Variants in MROH2B observed in about 807,000 individuals in gnomAD.
MROH2B encodes maestro heat like repeat family member 2B, also known as maestro heat-like repeat-containing protein family member 2B.
In MROH2B, 177 loss-of-function variants were observed where a neutral mutation model predicts 208.6. The observed-to-expected ratio is 0.85, with a 90% CI of 0.75 to 0.96. The LOEUF is 0.96. Among genes scored for constraint, MROH2B ranks in the 40% least tolerant of loss-of-function variants. MROH2B has a pLI of 0.00. For missense variants in MROH2B, 2,002 were observed against 1,878.7 expected, an observed-to-expected ratio of 1.07 and a Z score of -1.21; for synonymous variants, 728 against 659.0, an observed-to-expected ratio of 1.10 and a Z score of -1.60.
At chr5:41,030,708 A>T (rs115977774) in intron 24 of MROH2B, among the ~76,000 whole-genome samples, 1 of 152,122 alleles carries the variant, frequency 6.6e-6, no homozygotes, top group East Asian at 1.9e-4. Context: ...TCACTACATT[A>T]CCTGATTTAT....
Position 41,049,406 on chromosome 5 carries a change from C to T in MROH2B, c.1375G>A (p.Val459Ile). ...AGAGCTTCTGTGTATTCTGCAGGTA[C>T]CACAAAAGTCAGGATCCTTGGCCAT... ...VLWPRILTFVVPAEYTEALEP... is the reference protein window; with the variant it reads ...VLWPRILTFVIPAEYTEALEP... The change falls in exon 14 of 42, where the codon GTA becomes ATA. Residue 459 changes from valine to isoleucine, a missense_variant. Val to Ile is a conservative substitution (Grantham distance 29, BLOSUM62 3). Transcript: ENST00000399564. The T allele has an allele frequency of 6.2e-7, 1 of 1,613,202 alleles. No homozygotes were observed. The highest frequency in any genetic ancestry group is 1.3e-5 in the African/African-American group (1 of 74,982).
At chr5:41,004,170 C>A (rs1741491736) in intron 37 of MROH2B, among the ~76,000 whole-genome samples, 176 bp downstream of exon 37, 1 of 152,206 alleles carries the variant, frequency 6.6e-6, no homozygotes, top group Non-Finnish European at 1.5e-5. Context: ...AGAGCACCCT[C>A]AGGCAGAGAG....
chr5:41,053,114 A>G (rs1431581285), intron 11 of MROH2B, among the ~76,000 whole-genome samples: 1 of 152,214 alleles, frequency 6.6e-6, no homozygotes, highest in African/African-American at 2.4e-5. Flanking sequence ...ACTTTGGCCT[A>G]AAACACTGCT....
At chr5:41,066,944 G>A (rs1743831291) in intron 3 of MROH2B, among the ~76,000 whole-genome samples, 164 bp downstream of exon 3, 1 of 152,154 alleles carries the variant, frequency 6.6e-6, no homozygotes, top group South Asian at 2.1e-4. Context: ...TTCCTCATCT[G>A]TGAAGGAGTA....
chr5:41,059,031 G>C (rs1743553884), intron 6 of MROH2B, among the ~76,000 whole-genome samples: 1 of 137,840 alleles, frequency 7.3e-6, no homozygotes, highest in Non-Finnish European at 1.5e-5. Flanking sequence ...CTGGGTGACA[G>C]AGTGAGACTC....
At chr5:41,022,989 G>T (rs552306213) in intron 24 of MROH2B, among the ~76,000 whole-genome samples, 123 of 152,316 alleles carry the variant, frequency 8.1e-4, no homozygotes, top group African/African-American at 2.9e-3. Flanking sequence ...GGTCCTGACT[G>T]TTAGAAGGAA....
At chr5:41,036,129 T>TACAC (rs35715531) in intron 21 of MROH2B, among the ~76,000 whole-genome samples, 5 of 149,190 alleles carry the variant, frequency 3.4e-5, no homozygotes, top group African/African-American at 7.4e-5. Context: ...ATATTATATA[T>TACAC]ACACACACAC....
At chr5:41,057,224 C>A in intron 8 of MROH2B, 44 bp downstream of exon 8, 1 of 1,611,610 alleles carries the variant, frequency 6.2e-7, no homozygotes, top group Non-Finnish European at 8.5e-7. Context: ...ACACAGAAAA[C>A]CGGTTGAAAT....
intron 28 of MROH2B, among the ~76,000 whole-genome samples, chr5:41,016,963 T>C (rs1475727980): frequency 2.6e-5 from 4 of 152,216 alleles, no homozygotes; most frequent in Non-Finnish European, 4.4e-5. Context: ...ATCCTACCTT[T>C]TGGCTTTAAC....
At chr5:41,000,124 CT>C in intron 39 of MROH2B, 95 bp downstream of exon 39, 4 of 1,516,868 alleles carry the variant, frequency 2.6e-6, no homozygotes, top group Non-Finnish European at 3.6e-6. Flanking sequence ...AGTTCTGGCT[CT>C]GGCCAGAAAT....
chr5:41,006,504 G>T (rs2111815456), intron 34 of MROH2B, among the ~76,000 whole-genome samples: 2 of 152,192 alleles, frequency 1.3e-5, no homozygotes, highest in South Asian at 2.1e-4. Flanking sequence ...CAGAGGAAAA[G>T]AAATCATTAT....
At chr5:41,064,413 T>C (rs1743734210) in intron 5 of MROH2B, 59 bp downstream of exon 5, 2 of 1,409,980 alleles carry the variant, frequency 1.4e-6, no homozygotes, top group African/African-American at 2.8e-5. Context: ...TTTTGCTTAA[T>C]TTGTAAGACA....
intron 24 of MROH2B, among the ~76,000 whole-genome samples, chr5:41,031,864 T>G (rs2150166283): frequency 6.6e-6 from 1 of 152,250 alleles, no homozygotes; most frequent in Middle Eastern, 3.4e-3. Flanking sequence ...TGCTTAGGTT[T>G]ATGGCTTCCA....
rs759428247 is a variant in MROH2B at position 41,018,297 on chromosome 5, T to C, written c.2763+44A>G. The C allele has an allele frequency of 4.5e-6, 7 of 1,554,376 alleles. 1 individual carries two copies. Among genetic ancestry groups the C allele is most frequent in the Admixed American group, 1.8e-5 (1 of 54,658 alleles). ...TTCCAGAGATCTCAGAGATCCCTGC[T>C]GTTCACAAGCAATAAAGTCTATTCA... On this transcript the variant is annotated intron_variant, in intron 27 of 41. Coordinates refer to ENST00000399564, the MANE Select transcript of MROH2B (RefSeq NM_173489.5).
chr5:40,998,100 A>G lies in MROH2B; in HGVS notation c.4710T>C (p.Ala1570=). The part of the protein sequence containing the change: ...CISVQRAAEA[A]LQTLLRRCKE... ...TACACCTTCTCAGGAGGGTTTGCAA[A>G]GCAGCCTCAGCTGCTCTCTGGACAC... The change falls in exon 42 of 42, where the codon GCT becomes GCC. Residue 1570 remains alanine, a synonymous_variant. Coordinates refer to ENST00000399564, the MANE Select transcript of MROH2B (RefSeq NM_173489.5). 6.2e-7 allele frequency: 1 copy of G among 1,612,530 alleles called. No individual in the cohort carries two copies. Among genetic ancestry groups the G allele is most frequent in the Non-Finnish European group, 8.5e-7 (1 of 1,178,748 alleles).
In MROH2B at chr5:41,045,726, C is replaced by T. The variant is rs1485341968; in HGVS notation, c.1836+20G>A. 1.3e-6 allele frequency: 2 copies of T among 1,589,896 alleles called. No individual in the cohort carries two copies. Among genetic ancestry groups the T allele is most frequent in the Non-Finnish European group, 1.7e-6 (2 of 1,158,432 alleles). On this transcript the variant is annotated intron_variant, in intron 18 of 41. Coordinates refer to ENST00000399564, the MANE Select transcript of MROH2B (RefSeq NM_173489.5). ...GATCATAGGTAAAAGCTAAGGTTTC[C>T]CCTCAGCTGAAAAACCAACCTTCTC...
In MROH2B at chr5:41,008,765, G is replaced by A. The variant is rs1741676743; in HGVS notation, c.3449C>T (p.Ser1150Leu). The A allele has an allele frequency of 1.2e-6, 2 of 1,613,476 alleles. No homozygotes were observed. Among genetic ancestry groups the A allele is most frequent in the Admixed American group, 1.7e-5 (1 of 59,932 alleles). Residue 1150 changes from serine to leucine, a missense_variant, in exon 33 of 42, where the codon TCA becomes TTA. Coordinates refer to ENST00000399564, the MANE Select transcript of MROH2B (RefSeq NM_173489.5). ...SVACAMYEVI[S>L]MGTSVTGLYP... is the part of the protein sequence containing the mutation. ...CAAGCCGGTGACAGAGGTGCCCATTGAGATCACTTCATACATAGCACAGGC... is the reference window on the plus strand; with the variant it reads ...CAAGCCGGTGACAGAGGTGCCCATTAAGATCACTTCATACATAGCACAGGC...
chr5:41,021,631 A>C lies in MROH2B; in HGVS notation c.2442-2613T>G, dbSNP rs538426243. On this transcript the variant is annotated intron_variant, in intron 24 of 41. Transcript: ENST00000399564. ...GGTGGTGCGAACCTGTAATCCCAGCATTTTGGGAGGCTGAGGTGGGCTGAG... is the reference window on the plus strand; with the variant it reads ...GGTGGTGCGAACCTGTAATCCCAGCCTTTTGGGAGGCTGAGGTGGGCTGAG... 2.3e-4 allele frequency among the ~76,000 whole-genome samples: 35 copies of C among 152,250 alleles called. No individual in the cohort carries two copies. In the South Asian group the frequency reaches 7.3e-3, roughly 32 times the overall value.
At chr5:41,006,007 TG>T (rs1369155504) in intron 34 of MROH2B, among the ~76,000 whole-genome samples, 1 of 134,852 alleles carries the variant, frequency 7.4e-6, no homozygotes, top group South Asian at 2.3e-4. Flanking sequence ...CACTCCAGCC[TG>T]GGCGAAGAGT....
Sources: gnomAD v4.1 joint callset for allele counts (sites outside exome capture counted in the v4.1 genomes callset) on GRCh38, gnomAD v4.1.1 for gene constraint, MANE v1.5 for transcripts, NCBI Gene and HGNC (gene_info 2026-07-23, HGNC 2026-07-21) for gene names.